The following NAALADL2 variants were observed in gnomAD, a reference collection of about 807,000 sequenced individuals.
NAALADL2 encodes inactive N-acetylated-alpha-linked acidic dipeptidase-like protein 2.
NAALADL2 carries 76 observed loss-of-function variants against 87.2 expected under a neutral mutation model. The observed-to-expected ratio is 0.87, with a 90% CI of 0.72 to 1.05. The LOEUF is 1.05. Ranked by LOEUF, NAALADL2 falls within the 50% of genes least tolerant of loss-of-function variation. The pLI is 0.00. For missense variants in NAALADL2, 1,089 were observed against 945.8 expected (o/e 1.15, Z -1.99); for synonymous variants, 354 against 331.0 (o/e 1.07, Z -0.75).
intron 5 of NAALADL2, 111 bp downstream of exon 5, chr3:175,324,436 C>T (rs1760430628): frequency 1.2e-6 from 1 of 800,666 alleles, no homozygotes; most frequent in Non-Finnish European, 1.9e-6. Flanking sequence ...TCTTAGCATC[C>T]CATCTTATTA....
At chr3:174,543,236 T>G (rs996806238) in intron 1 of NAALADL2, among the ~76,000 whole-genome samples, 1 of 152,136 alleles carries the variant, frequency 6.6e-6, no homozygotes, top group South Asian at 2.1e-4. Flanking sequence ...AGGAATTAAC[T>G]TGAGCTGGGA....
intron 1 of NAALADL2, among the ~76,000 whole-genome samples, chr3:175,079,970 CT>C (rs754948428): frequency 1.2e-3 from 170 of 144,040 alleles, no homozygotes; most frequent in South Asian, 1.5e-3. Context: ...GAAATATAGA[CT>C]TTTTTTTTTT....
At chr3:175,081,097 A>C (rs1003679221) in intron 1 of NAALADL2, 2 of 152,226 alleles carry the variant, frequency 1.3e-5, no homozygotes, top group African/African-American at 2.4e-5. Flanking sequence ...CTGTCAGAGC[A>C]AGACCAATAA....
At chr3:175,711,476 A>AG (rs1255158238) in intron 11 of NAALADL2, among the ~76,000 whole-genome samples, 2 of 151,872 alleles carry the variant, frequency 1.3e-5, no homozygotes, top group Non-Finnish European at 2.9e-5. Context: ...TATATGTCTT[A>AG]ATCAGTCTGA....
chr3:175,301,311 A>G (rs1757057234), intron 4 of NAALADL2, among the ~76,000 whole-genome samples: 2 of 152,134 alleles, frequency 1.3e-5, no homozygotes, highest in Non-Finnish European at 2.9e-5. Flanking sequence ...GCATTAGGAG[A>G]AATACCTAAC....
intron 3 of NAALADL2, among the ~76,000 whole-genome samples, chr3:174,818,942 A>C (rs1721096294): frequency 6.6e-6 from 1 of 151,916 alleles, no homozygotes; most frequent in Admixed American, 6.6e-5. Context: ...TTTTACTTTT[A>C]AAAGATTCTT....
At chr3:175,352,374 A>G (rs1026747857) in intron 5 of NAALADL2, among the ~76,000 whole-genome samples, 4 of 152,126 alleles carry the variant, frequency 2.6e-5, no homozygotes, top group African/African-American at 9.7e-5. Flanking sequence ...CTCTTTATTT[A>G]CACAAAGGGA....
chr3:175,686,207 A>G (rs1439950796), intron 11 of NAALADL2, among the ~76,000 whole-genome samples: 8 of 152,236 alleles, frequency 5.3e-5, no homozygotes, highest in Admixed American at 3.9e-4. Flanking sequence ...TCTAACTACT[A>G]CAAAAGTAAC....
intron 5 of NAALADL2, among the ~76,000 whole-genome samples, chr3:175,330,169 A>AAAAG (rs1761229309): frequency 6.6e-6 from 1 of 152,218 alleles, no homozygotes; most frequent in Non-Finnish European, 1.5e-5. Context: ...CTGCTAAAAA[A>AAAAG]AAAGATTTAC....
chr3:175,475,833 T>G (rs1428362786), intron 9 of NAALADL2, among the ~76,000 whole-genome samples: 1 of 152,264 alleles, frequency 6.6e-6, no homozygotes, highest in East Asian at 1.9e-4. Context: ...TCCAACACCC[T>G]CAGCCTCCCA....
rs138454551 is a variant in NAALADL2 at position 175,297,870 on chromosome 3, C to A, written c.940-26305C>A. On this transcript the variant is annotated intron_variant, in intron 4 of 13. Coordinates refer to ENST00000454872, the MANE Select transcript of NAALADL2 (RefSeq NM_207015.3). ...TTTTACATAATGAATATTTAAATTT[C>A]TCCTATGTAAAAATCTGGTATTGGC... 2.4e-4 allele frequency among the ~76,000 whole-genome samples: 36 copies of A among 152,222 alleles called. 1 individual carries two copies. Among genetic ancestry groups the A allele is most frequent in the African/African-American group, 7.0e-4 (29 of 41,558 alleles).
intron 9 of NAALADL2, among the ~76,000 whole-genome samples, chr3:175,506,765 T>G (rs989423827): frequency 2.6e-5 from 4 of 152,340 alleles, no homozygotes; most frequent in African/African-American, 9.6e-5. Flanking sequence ...AGATACATGT[T>G]AAGCAATAGT....
chr3:174,623,298 T>C (rs1031426827), intron 2 of NAALADL2, among the ~76,000 whole-genome samples: 6 of 152,208 alleles, frequency 3.9e-5, no homozygotes, highest in Non-Finnish European at 8.8e-5. Flanking sequence ...TTACATAATA[T>C]GTACTAGAGT....
chr3:174,738,377 T>C (rs916827998), intron 3 of NAALADL2, among the ~76,000 whole-genome samples: 4 of 152,166 alleles, frequency 2.6e-5, no homozygotes, highest in Non-Finnish European at 4.4e-5. Context: ...TTCAGGAACA[T>C]AGACAAATCT....
chr3:175,003,287 G>A (rs1241084945), intron 1 of NAALADL2, among the ~76,000 whole-genome samples: 1 of 152,170 alleles, frequency 6.6e-6, no homozygotes, highest in African/African-American at 2.4e-5. Context: ...AGAGACTGAG[G>A]CAGGATAATC....
chr3:175,496,842 G>A (rs930776914), intron 9 of NAALADL2, among the ~76,000 whole-genome samples: 6 of 151,970 alleles, frequency 3.9e-5, no homozygotes, highest in African/African-American at 1.5e-4. Flanking sequence ...TTACAAGCAT[G>A]AGCCACCAGG....
At chr3:174,615,809 T>C (rs1422267555) in intron 2 of NAALADL2, among the ~76,000 whole-genome samples, 1 of 152,048 alleles carries the variant, frequency 6.6e-6, no homozygotes, top group Non-Finnish European at 1.5e-5. Flanking sequence ...GAGAAATACA[T>C]AATATGTAGG....
intron 2 of NAALADL2, among the ~76,000 whole-genome samples, chr3:175,170,473 A>T (rs1336659635): frequency 2.7e-5 from 4 of 146,898 alleles, no homozygotes; most frequent in Admixed American, 6.9e-5. Context: ...ATATATAAAT[A>T]TAATATAATA....
chr3:175,582,094 A>T (rs1169093076), intron 10 of NAALADL2, among the ~76,000 whole-genome samples: 1 of 152,198 alleles, frequency 6.6e-6, no homozygotes, highest in Non-Finnish European at 1.5e-5. Context: ...GTTATAGAGC[A>T]GACTTGAAAA....
Sources: allele counts gnomAD v4.1 joint callset (sites outside exome capture counted in the v4.1 genomes callset), GRCh38; gene constraint gnomAD v4.1.1; transcripts MANE v1.5; gene names NCBI Gene and HGNC (gene_info 2026-07-23, HGNC 2026-07-21).